The following EHMT1 variants were observed in gnomAD, a reference collection of about 807,000 sequenced individuals.
The protein encoded by EHMT1 is histone-lysine N-methyltransferase EHMT1.
Under a neutral mutation model 147.2 loss-of-function variants are expected in EHMT1, and 15 were observed. The observed-to-expected ratio is 0.10, with a 90% CI of 0.07 to 0.16. EHMT1 has a LOEUF of 0.16. EHMT1 is among the 10% of genes least tolerant of loss of function. The pLI, the probability that EHMT1 is intolerant of heterozygous loss-of-function variation, is 1.00. For synonymous variants in EHMT1, 795 were observed against 709.6 expected, an observed-to-expected ratio of 1.12 and a Z score of -1.91; for missense variants, 1,587 against 1,772.4, an observed-to-expected ratio of 0.90 and a Z score of 1.88.
Position 137,764,960 on chromosome 9 carries a change from G to C in EHMT1, c.1647+2140G>C, listed in dbSNP as rs964213255. Among the ~76,000 whole-genome samples, 8 of 152,324 alleles carry C rather than the reference G, an allele frequency of 5.3e-5. 1 individual carries two copies. Among genetic ancestry groups the C allele is most frequent in the Admixed American group, 5.2e-4 (8 of 15,306 alleles). ...CCTGAAAGTTAGATTCAAAGACTTG[G>C]TTTACATTCAAGTACCTAAGATTTT... On this transcript the variant is annotated intron_variant, in intron 10 of 26. Coordinates refer to ENST00000460843, the MANE Select transcript of EHMT1 (RefSeq NM_024757.5).
intron 1 of EHMT1, among the ~76,000 whole-genome samples, chr9:137,629,021 A>T (rs1188267191): frequency 6.6e-6 from 1 of 151,832 alleles, no homozygotes; most frequent in African/African-American, 2.4e-5. Context: ...ACTTTATCCT[A>T]AGGTAAGTGG....
At chr9:137,831,626 C>A (rs1315301423) in intron 25 of EHMT1, among the ~76,000 whole-genome samples, 1 of 152,244 alleles carries the variant, frequency 6.6e-6, no homozygotes, top group African/African-American at 2.4e-5. Context: ...TGAAATCTTT[C>A]TTTGTTCTTC....
intron 17 of EHMT1, chr9:137,800,669 G>GTTCT (rs1159293336): frequency 5.0e-6 from 3 of 595,880 alleles, no homozygotes; most frequent in Non-Finnish European, 9.0e-6. Context: ...GCCAGTCCTG[G>GTTCT]TTCTGCCTTC....
At chr9:137,834,308 G>T in intron 25 of EHMT1, 41 bp from the exon 26 acceptor site, 2 of 1,610,218 alleles carry the variant, frequency 1.2e-6, no homozygotes, top group Admixed American at 3.3e-5. Context: ...GCGTGTCGGG[G>T]CCTTGCTAAC....
chr9:137,644,143 C>T (rs949729922), intron 1 of EHMT1, among the ~76,000 whole-genome samples: 8 of 152,122 alleles, frequency 5.3e-5, no homozygotes, highest in Admixed American at 1.3e-4. Flanking sequence ...CCGTGCATTG[C>T]GGAGCAGCAC....
intron 4 of EHMT1, among the ~76,000 whole-genome samples, chr9:137,736,761 C>T (rs371263231): frequency 6.2e-4 from 95 of 152,174 alleles, no homozygotes; most frequent in African/African-American, 2.2e-3. Flanking sequence ...CGTGGTGGCA[C>T]GTCCCTGTAA....
chr9:137,757,676 G>A (rs561790138), intron 8 of EHMT1, among the ~76,000 whole-genome samples: 45 of 152,294 alleles, frequency 3.0e-4, no homozygotes, highest in Non-Finnish European at 5.4e-4. Flanking sequence ...GTCTAAAAGG[G>A]GGAATTAGCA....
At chr9:137,802,946 G>T in intron 18 of EHMT1, 1 of 1,232,774 alleles carries the variant, frequency 8.1e-7, no homozygotes, top group Non-Finnish European at 1.0e-6. Flanking sequence ...GAAGGCTGTG[G>T]CGGGTACCTT....
chr9:137,831,820 G>T (rs1045363768), intron 25 of EHMT1, among the ~76,000 whole-genome samples: 2 of 152,238 alleles, frequency 1.3e-5, no homozygotes, highest in East Asian at 3.8e-4. Flanking sequence ...TCTCTTCTGC[G>T]TGGGCCTTGT....
chr9:137,828,979 G>C lies in EHMT1; in HGVS notation c.3541-5370G>C, dbSNP rs1956012455. 6.6e-6 allele frequency among the ~76,000 whole-genome samples: 1 copy of C among 152,154 alleles called. No homozygotes were observed. Among genetic ancestry groups the C allele is most frequent in the African/African-American group, 2.4e-5 (1 of 41,428 alleles). On this transcript the variant is annotated intron_variant, in intron 25 of 26. Coordinates refer to ENST00000460843, the MANE Select transcript of EHMT1 (RefSeq NM_024757.5). This position sits in a 1 kb window ranked among gnomAD's most constrained non-coding sequence, Gnocchi z 5.3. ...CCTCTTTTGCCTCTGGCGAAGTGAA[G>C]TGAGCACCTGTAGTGAGGTCCACTC...
At chr9:137,632,173 G>A (rs1366666141) in intron 1 of EHMT1, among the ~76,000 whole-genome samples, 1 of 152,192 alleles carries the variant, frequency 6.6e-6, no homozygotes, top group African/African-American at 2.4e-5. Flanking sequence ...CTCATTCAGC[G>A]TCACTTAGAT....
intron 1 of EHMT1, among the ~76,000 whole-genome samples, chr9:137,690,748 A>G (rs1400354136): frequency 6.6e-6 from 1 of 151,924 alleles, no homozygotes; most frequent in Non-Finnish European, 1.5e-5. Flanking sequence ...TCCTTTAAAC[A>G]TTCCCGTGTT....
chr9:137,834,341 C>T lies in EHMT1; in HGVS notation c.3541-8C>T. The T allele has an allele frequency of 6.2e-6, 10 of 1,612,736 alleles. No homozygotes were observed. The highest frequency in any genetic ancestry group is 8.5e-6 in the Non-Finnish European group (10 of 1,179,722). ...AACTGCAGCCCGTGCCGGCTTCTCG[C>T]CCTGCAGGACGGGGAGGTTTACTGC... is the stretch of plus-strand genomic sequence containing the variant. On this transcript the variant is annotated splice_polypyrimidine_tract_variant and splice_region_variant and intron_variant, in intron 25 of 26. Coordinates refer to ENST00000460843, the MANE Select transcript of EHMT1 (RefSeq NM_024757.5).
At position 137,835,021 on chromosome 9, in the gene EHMT1, G is replaced by A. The variant is rs1190038409; in HGVS notation, c.*68G>A. 9 of 1,349,632 alleles carry A rather than the reference G, an allele frequency of 6.7e-6. No homozygotes were observed. The highest frequency in any genetic ancestry group is 8.5e-6 in the Non-Finnish European group (9 of 1,056,064). The allele number at this position is 1,349,632 out of a possible 1,614,324, so 83.6% of individuals were successfully genotyped here. On this transcript the variant is annotated 3_prime_UTR_variant, in exon 27 of 27. Transcript: ENST00000460843. The stretch of plus-strand genomic sequence containing the variant: ...GCGTCGCCGATTAGAGGACGAGGAG[G>A]AGAGATTCCGCACGCAACCGAAAGG...
rs894813182 is a variant in EHMT1, at chr9:137,745,561, C to T, written c.1170+1471C>T. On this transcript the variant is annotated intron_variant, in intron 6 of 26. Transcript: ENST00000460843. The stretch of plus-strand genomic sequence containing the variant: ...CAGTCACTACAGGAACTTCCTTAGA[C>T]GTGCCCAGCACAGCCCAGCCCTCCC... The T allele has an allele frequency of 1.8e-4, 71 of 398,642 alleles. No homozygotes were observed. In the East Asian group the frequency reaches 2.2e-3, roughly 12 times the overall value. 24.7% of individuals were successfully genotyped at this position (398,642 alleles called of 1,614,324 possible). A position where few individuals can be genotyped will look rare whatever the true frequency, so the allele number is the denominator to read the frequency against.
chr9:137,657,318 C>T (rs544838758), intron 1 of EHMT1, among the ~76,000 whole-genome samples: 11 of 152,100 alleles, frequency 7.2e-5, no homozygotes, highest in South Asian at 4.2e-4. Context: ...AGAGGAGTGG[C>T]GGAATGTGAC....
At chr9:137,628,675 C>T (rs931364031) in intron 1 of EHMT1, among the ~76,000 whole-genome samples, 2 of 152,196 alleles carry the variant, frequency 1.3e-5, no homozygotes, top group Non-Finnish European at 2.9e-5. Flanking sequence ...TCGGATCTTA[C>T]TATGTCAGTT....
intron 3 of EHMT1, 106 bp from the exon 4 acceptor site, chr9:137,728,243 C>T (rs1375247861): frequency 2.2e-5 from 32 of 1,477,662 alleles, no homozygotes; most frequent in Middle Eastern, 3.4e-4. Flanking sequence ...TCTCATCTTT[C>T]GGTTGTGGGG....
rs1287071269 is a variant in EHMT1 at position 137,816,136 on chromosome 9, C to A, written c.3374+74C>A. 6 of 1,361,306 alleles carry A rather than the reference C, an allele frequency of 4.4e-6. No individual in the cohort carries two copies. In the African/African-American group the frequency reaches 7.2e-5, roughly 16 times the overall value. The allele number at this position is 1,361,306 out of a possible 1,614,324, so 84.3% of individuals were successfully genotyped here. ...CGTATTAGCACGGAGGTCACCCCGA[C>A]AGACAAGAACTTAACGTGTTTGGAT... On this transcript the variant is annotated intron_variant, in intron 23 of 26. Coordinates refer to ENST00000460843, the MANE Select transcript of EHMT1 (RefSeq NM_024757.5).
Sources: gnomAD v4.1 joint callset for allele counts (sites outside exome capture counted in the v4.1 genomes callset) on GRCh38, gnomAD v4.1.1 for gene constraint, Gnocchi (gnomAD v3.1) non-coding constraint, MANE v1.5 for transcripts, NCBI Gene and HGNC (gene_info 2026-07-23, HGNC 2026-07-21) for gene names.